HYOU1: variants seen among roughly 807,000 people sequenced by gnomAD.
HYOU1 encodes the protein hypoxia up-regulated 1.
Under a neutral mutation model 120.5 loss-of-function variants are expected in HYOU1, and 40 were observed. The ratio of observed to expected loss-of-function variants is 0.33; its 90% CI spans 0.26 to 0.43. The LOEUF is 0.43. Ranked by LOEUF, HYOU1 falls within the 20% of genes least tolerant of loss-of-function variation. HYOU1 has a pLI of 1.00. For missense variants in HYOU1, 1,085 were observed against 1,278.3 expected, an observed-to-expected ratio of 0.85 and a Z score of 2.31; for synonymous variants, 501 against 479.4, an observed-to-expected ratio of 1.05 and a Z score of -0.59.
At chr11:119,046,876 ACCCCCAACCAG>A in intron 22 of HYOU1, 74 bp from the exon 23 acceptor site, 2 of 1,541,048 alleles carry the variant, frequency 1.3e-6, no homozygotes, top group Non-Finnish European at 1.7e-6. Flanking sequence ...ATGGAATCAC[ACCCCCAACCAG>A]CCTCTTCCCT....
rs150272156 is a variant in HYOU1, at chr11:119,045,652, G to A, written c.2941C>T (p.Pro981Ser). 3.7e-4 allele frequency: 595 copies of A among 1,614,076 alleles called. No homozygotes were observed. The highest frequency in any genetic ancestry group is 6.0e-4 in the Admixed American group (36 of 60,002). The change falls in exon 26 of 26, where the codon CCT becomes TCT. Residue 981 changes from proline (P) to serine (S), a missense_variant and splice_region_variant. By Grantham distance (74) the Pro-to-Ser change is moderately conservative. Coordinates refer to ENST00000617285, the MANE Select transcript of HYOU1 (RefSeq NM_006389.5). Reference protein sequence around the residue: ...PLELGGPGAEPEQKEQSTGQK... With the variant: ...PLELGGPGAESEQKEQSTGQK... ...CCTGTCGATTGTTCTTTCTGTTCAG[G>A]TTCTGTTGGGAGTTTGGGGGAGCAA...
chr11:119,053,319 G>C (rs1944559498), intron 8 of HYOU1: 1 of 154,914 alleles, frequency 6.5e-6, no homozygotes. Context: ...TTGAACTGAA[G>C]AGTTCAGAGT....
Position 119,055,511 on chromosome 11 carries a change from T to C in HYOU1, c.246A>G (p.Gly82=). 2 of 1,614,062 alleles carry C rather than the reference T, an allele frequency of 1.2e-6. No homozygotes were observed. The highest frequency in any genetic ancestry group is 1.7e-6 in the Non-Finnish European group (2 of 1,179,948). The change falls in exon 4 of 26, where the codon GGA becomes GGG. Residue 82 remains glycine (G), a synonymous_variant. Transcript: ENST00000617285. This position sits in a 1 kb window ranked among gnomAD's most constrained non-coding sequence, Gnocchi z 4.0. The part of the protein sequence containing the change: ...VTLKENERFF[G]DSAASMAIKN... The stretch of plus-strand genomic sequence containing the variant: ...AGCTCACCATGCTTGCTGCACTGTC[T>C]CCAAAGAATCTTTCATTTTCTTTCA...
intron 14 of HYOU1, among the ~76,000 whole-genome samples, chr11:119,050,718 T>C (rs1784799040): frequency 6.2e-4 from 1 of 1,620 alleles, no homozygotes. Context: ...CAAGACCCTC[T>C]CCAAAAAAAA....
At chr11:119,050,395 ACT>A (rs1364510559) in intron 14 of HYOU1, among the ~76,000 whole-genome samples, 1 of 151,788 alleles carries the variant, frequency 6.6e-6, no homozygotes, top group African/African-American at 2.4e-5. Flanking sequence ...ACAGAGCAAG[ACT>A]CTGTCTCAAA....
At chr11:119,049,430 G>A (rs1040551217) in intron 16 of HYOU1, 126 bp downstream of exon 16, 4 of 1,564,964 alleles carry the variant, frequency 2.6e-6, no homozygotes, top group African/African-American at 2.7e-5. Context: ...GAGCCCAGAG[G>A]ATCCTGGGGA....
intron 22 of HYOU1, chr11:119,047,494 T>A (rs1472283554): frequency 4.2e-6 from 2 of 481,888 alleles, no homozygotes; most frequent in Non-Finnish European, 7.5e-6. Context: ...TCCCAGCCCC[T>A]CAAAGCAGCT....
Position 119,052,384 on chromosome 11 carries a change from G to A in HYOU1, c.1033C>T (p.Arg345Cys). 3 of 1,614,176 alleles carry A rather than the reference G, an allele frequency of 1.9e-6. No homozygotes were observed. Among genetic ancestry groups the A allele is most frequent in the Non-Finnish European group, 2.5e-6 (3 of 1,180,030 alleles). The change falls in exon 10 of 26, where the codon CGT becomes TGT. Residue 345 changes from arginine to cysteine, a missense_variant. Transcript: ENST00000617285. The surrounding 1 kb of genome is among the most constrained non-coding windows in gnomAD (Gnocchi z 5.0). Reference protein sequence around the residue: ...DDVDFKAKVTRVEFEELCADL... With the variant: ...DDVDFKAKVTCVEFEELCADL... ...GCACACAACTCCTCAAATTCCACAC[G>A]AGTCACTTTTGCCTTGAAGTCCACA...
Position 119,046,656 on chromosome 11 carries a change from G to A in HYOU1, c.2742C>T (p.Pro914=), listed in dbSNP as rs2133552124. Residue 914 remains proline (P), a synonymous_variant, in exon 23 of 26, where the codon CCC becomes CCT. Coordinates refer to ENST00000617285, the MANE Select transcript of HYOU1 (RefSeq NM_006389.5). ...YLLNKAKFTK[P]RPRPKDKNGT... is the part of the protein sequence containing the mutation. ...CATTCTTGTCCTTAGGCCGGGGCCG[G>A]GGCTTGGTAAACTTGGCCTTATTGA... 1.2e-6 allele frequency: 2 copies of A among 1,614,052 alleles called. No individual in the cohort carries two copies. Among genetic ancestry groups the A allele is most frequent in the Non-Finnish European group, 8.5e-7 (1 of 1,180,032 alleles).
chr11:119,047,658 G>T, intron 22 of HYOU1, 76 bp downstream of exon 22: 1 of 1,244,750 alleles, frequency 8.0e-7, no homozygotes. Context: ...GGCTGCTGTG[G>T]CTTCATCTCT....
Position 119,044,822 on chromosome 11 carries a change from ACCCC to A in HYOU1, c.*767_*770del. On this transcript the variant is annotated 3_prime_UTR_variant, in exon 26 of 26. Coordinates refer to ENST00000617285, the MANE Select transcript of HYOU1 (RefSeq NM_006389.5). ...ATGACAGAGCTTGCACGATGCTGGC[ACCCC>A]ATGCCAACCACTCTACGTGGCTTTC... The A allele has an allele frequency of 8.0e-6, 2 of 250,328 alleles. No individual in the cohort carries two copies. Among genetic ancestry groups the A allele is most frequent in the Admixed American group, 4.2e-5 (1 of 24,030 alleles). The allele number at this position is 250,328 out of a possible 1,614,324, so 15.5% of individuals were successfully genotyped here. A position where few individuals can be genotyped will look rare whatever the true frequency, so the allele number is the denominator to read the frequency against.
chr11:119,045,662 G>A lies in HYOU1; in HGVS notation c.2939-8C>T. ...GTTCTTTCTGTTCAGGTTCTGTTGG[G>A]AGTTTGGGGGAGCAAAGGAATCACC... On this transcript the variant is annotated splice_polypyrimidine_tract_variant and splice_region_variant and intron_variant, in intron 25 of 25. Transcript: ENST00000617285. 2.5e-6 allele frequency: 4 copies of A among 1,614,204 alleles called. No homozygotes were observed. The highest frequency in any genetic ancestry group is 1.1e-5 in the South Asian group (1 of 91,078).
intron 22 of HYOU1, chr11:119,047,073 T>G: frequency 2.8e-6 from 1 of 351,652 alleles, no homozygotes; most frequent in Non-Finnish European, 5.2e-6. Flanking sequence ...TTTTTTTTTT[T>G]GAGACGGAGT....
In HYOU1 at chr11:119,052,785, C is replaced by T. The variant is rs1301685724; in HGVS notation, c.839G>A (p.Arg280Gln). The change falls in exon 9 of 26, where the codon CGA (arginine) becomes CAA (glutamine). Residue 280 changes from arginine to glutamine, a missense_variant. Physicochemically the swap from Arg to Gln is conservative, Grantham distance 43. Around this residue, in one of 4 missense-constraint regions of HYOU1, gnomAD observed 515 missense variants for 677.8 expected, o/e 0.76. Coordinates refer to ENST00000617285, the MANE Select transcript of HYOU1 (RefSeq NM_006389.5). The surrounding 1 kb of genome is among the most constrained non-coding windows in gnomAD (Gnocchi z 5.0). ...ATTGAAAAGCCCAGCCAGGCGTTCT[C>T]GAAGCCGGAGCTCCATCTCCAGGCC... ...LGGLEMELRL[R>Q]ERLAGLFNEQ... The T allele has an allele frequency of 1.1e-5, 18 of 1,614,156 alleles. No individual in the cohort carries two copies. In the East Asian group the frequency reaches 2.0e-4, roughly 18 times the overall value.
chr11:119,055,508 G>C lies in HYOU1; in HGVS notation c.249C>G (p.Asp83Glu). Reference sequence around the variant, plus strand: ...GCTAGCTCACCATGCTTGCTGCACTGTCTCCAAAGAATCTTTCATTTTCTT... The same window carrying C: ...GCTAGCTCACCATGCTTGCTGCACTCTCTCCAAAGAATCTTTCATTTTCTT... The part of the protein sequence containing the change: ...TLKENERFFG[D>E]SAASMAIKNP... The change falls in exon 4 of 26, where the codon GAC (aspartate) becomes GAG (glutamate). Residue 83 changes from aspartate (D) to glutamate (E), a missense_variant. Asp to Glu is a conservative substitution (Grantham distance 45, BLOSUM62 2). Transcript: ENST00000617285. This position sits in a 1 kb window ranked among gnomAD's most constrained non-coding sequence, Gnocchi z 4.0. The C allele has an allele frequency of 6.2e-7, 1 of 1,614,014 alleles. No homozygotes were observed. Among genetic ancestry groups the C allele is most frequent in the South Asian group, 1.1e-5 (1 of 91,076 alleles).
rs1234259132 is a variant in HYOU1 at position 119,047,962 on chromosome 11, G to A, written c.2495C>T (p.Ser832Phe). ...LSALDNLLNH[S>F]SMFLKGARLI... ...GGCTGCTCACTTGAGGAACATGCTGGAATGGTTGAGGAGATTATCGAGGGC... is the reference window on the plus strand; with the variant it reads ...GGCTGCTCACTTGAGGAACATGCTGAAATGGTTGAGGAGATTATCGAGGGC... The change falls in exon 21 of 26, where the codon TCC becomes TTC. Residue 832 changes from serine (S) to phenylalanine (F), a missense_variant. Around this residue, in one of 4 missense-constraint regions of HYOU1, gnomAD observed 516 missense variants for 517.1 expected, o/e 1.00. Transcript: ENST00000617285. 6.2e-7 allele frequency: 1 copy of A among 1,614,082 alleles called. No individual in the cohort carries two copies. The highest frequency in any genetic ancestry group is 8.5e-7 in the Non-Finnish European group (1 of 1,180,040).
At position 119,044,935 on chromosome 11, in the gene HYOU1, C is replaced by T. The variant is rs1423596544; in HGVS notation, c.*658G>A. On this transcript the variant is annotated 3_prime_UTR_variant, in exon 26 of 26. Transcript: ENST00000617285. ...AGGGGTGGGAAATACGAGTGAGAAT[C>T]CTTCCAGATTTACTTCCGCCAATCC... 2 of 332,170 alleles carry T rather than the reference C, an allele frequency of 6.0e-6. No homozygotes were observed. The highest frequency in any genetic ancestry group is 1.2e-5 in the Non-Finnish European group (2 of 160,818). 20.6% of individuals were successfully genotyped at this position (332,170 alleles called of 1,614,324 possible).
Position 119,052,390 on chromosome 11 carries a change from C to G in HYOU1, c.1027G>C (p.Val343Leu). Residue 343 changes from valine to leucine, a missense_variant, in exon 10 of 26, where the codon GTG becomes CTG. Val to Leu is a conservative substitution (Grantham distance 32). Around this residue, in one of 4 missense-constraint regions of HYOU1, gnomAD observed 515 missense variants for 677.8 expected, o/e 0.76. Coordinates refer to ENST00000617285, the MANE Select transcript of HYOU1 (RefSeq NM_006389.5). The surrounding 1 kb of genome is among the most constrained non-coding windows in gnomAD (Gnocchi z 5.0). Reference sequence around the variant, plus strand: ...AACTCCTCAAATTCCACACGAGTCACTTTTGCCTTGAAGTCCACATCATCC... The same window carrying G: ...AACTCCTCAAATTCCACACGAGTCAGTTTTGCCTTGAAGTCCACATCATCC... ...LMDDVDFKAK[V>L]TRVEFEELCA... 1 of 1,614,256 alleles carries G rather than the reference C, an allele frequency of 6.2e-7. No homozygotes were observed. Among genetic ancestry groups the G allele is most frequent in the Non-Finnish European group, 8.5e-7 (1 of 1,180,042 alleles).
chr11:119,049,312 T>A (rs2133571937), intron 16 of HYOU1, 109 bp from the exon 17 acceptor site: 1 of 1,566,538 alleles, frequency 6.4e-7, no homozygotes, highest in Middle Eastern at 1.7e-4. Flanking sequence ...GACTGCTGTA[T>A]GGAAACGGTC....
Sources: gnomAD v4.1 joint callset for allele counts (sites outside exome capture counted in the v4.1 genomes callset) on GRCh38, gnomAD v4.1.1 for gene constraint, gnomAD v4.1.1 regional missense constraint, Gnocchi (gnomAD v3.1) non-coding constraint, MANE v1.5 for transcripts, NCBI Gene and HGNC (gene_info 2026-07-23, HGNC 2026-07-21) for gene names.